The following SLC35A3 variants were observed in gnomAD, a reference collection of about 807,000 sequenced individuals.
SLC35A3 encodes UDP-N-acetylglucosamine transporter.
SLC35A3 carries 26 observed loss-of-function variants against 39.0 expected under a neutral mutation model. The ratio of observed to expected loss-of-function variants is 0.67; its 90% CI spans 0.49 to 0.92. SLC35A3 has a LOEUF of 0.92. Among genes scored for constraint, SLC35A3 ranks in the 40% least tolerant of loss-of-function variants. The pLI, the probability that SLC35A3 is intolerant of heterozygous loss-of-function variation, is 0.00. For synonymous variants in SLC35A3, 135 were observed against 133.1 expected (o/e 1.01, Z -0.10); for missense variants, 299 against 371.6 (o/e 0.80, Z 1.61).
At position 99,993,628 on chromosome 1, in the gene SLC35A3, G is replaced by T. The variant is rs903783945; in HGVS notation, c.74G>T (p.Arg25Leu). Residue 25 changes from arginine to leucine, a missense_variant, in exon 2 of 8, where the codon CGT (arginine) becomes CTT (leucine). Transcript: ENST00000533028. ...ACTACCAGTTTGGTTCTAACAATGCGTTATTCCAGAACTTTAAAAGAAGAA... is the reference window on the plus strand; with the variant it reads ...ACTACCAGTTTGGTTCTAACAATGCTTTATTCCAGAACTTTAAAAGAAGAA... ...FQTTSLVLTM[R>L]YSRTLKEEGP... 4 of 1,613,878 alleles carry T rather than the reference G, an allele frequency of 2.5e-6. No individual in the cohort carries two copies. The South Asian group carries it at 4.4e-5, about 18-fold the overall frequency.
intron 4 of SLC35A3, chr1:100,009,395 T>C (rs1659464885): frequency 6.6e-6 from 1 of 152,238 alleles, no homozygotes; most frequent in Non-Finnish European, 1.5e-5. Flanking sequence ...AATAGTCTTC[T>C]TTGATTGGAA....
rs1659599945 is a variant in SLC35A3, at chr1:100,011,112, G to A, written c.466-253G>A. Among the ~76,000 whole-genome samples the A allele has an allele frequency of 2.6e-5, 4 of 152,054 alleles. No homozygotes were observed. In the South Asian group the frequency reaches 8.3e-4, roughly 32 times the overall value. On this transcript the variant is annotated intron_variant, in intron 4 of 7. Coordinates refer to ENST00000533028, the MANE Select transcript of SLC35A3 (RefSeq NM_012243.3). ...AAGGAATTATCTCAAGGTAGCATTG[G>A]TCTCTGTAATAGATGAAATGTAAAA...
At chr1:100,017,616 T>C (rs1660246909) in intron 6 of SLC35A3, 66 bp from the exon 7 acceptor site, 2 of 986,792 alleles carry the variant, frequency 2.0e-6, no homozygotes, top group Non-Finnish European at 2.9e-6. Context: ...CTTTATTAAA[T>C]ACTGAAAGTG....
intron 4 of SLC35A3, among the ~76,000 whole-genome samples, chr1:100,010,957 T>C (rs147490628): frequency 1.3e-5 from 2 of 152,262 alleles, no homozygotes; most frequent in Non-Finnish European, 2.9e-5. Flanking sequence ...AGCTTCCCTT[T>C]ATTATGCTTG....
rs193027466 is a variant in SLC35A3, at chr1:100,013,616, A to C, written c.635-1686A>C. On this transcript the variant is annotated intron_variant, in intron 5 of 7. Coordinates refer to ENST00000533028, the MANE Select transcript of SLC35A3 (RefSeq NM_012243.3). ...AAGTGACAGAGTGAAATCCTGTCTC[A>C]AAATATACATATACATATATATATG... Among the ~76,000 whole-genome samples, 145 of 152,022 alleles carry C rather than the reference A, an allele frequency of 9.5e-4. 2 individuals carry two copies. In the East Asian group the frequency reaches 0.025, roughly 26 times the overall value.
At position 100,025,003 on chromosome 1, in the gene SLC35A3, A is replaced by G. The variant is rs1660825795; in HGVS notation, c.*2527A>G. Reference sequence around the variant, plus strand: ...GTCTCATCAATTCCATCCAAAGTTTAAAAGCATTTAAAATTACCAAATCTT... The same window carrying G: ...GTCTCATCAATTCCATCCAAAGTTTGAAAGCATTTAAAATTACCAAATCTT... On this transcript the variant is annotated 3_prime_UTR_variant, in exon 8 of 8. Coordinates refer to ENST00000533028, the MANE Select transcript of SLC35A3 (RefSeq NM_012243.3). 1 of 267,134 alleles carries G rather than the reference A, an allele frequency of 3.7e-6. No homozygotes were observed. Among genetic ancestry groups the G allele is most frequent in the Admixed American group, 5.4e-5 (1 of 18,624 alleles). 16.5% of individuals were successfully genotyped at this position (267,134 alleles called of 1,614,324 possible).
intron 2 of SLC35A3, among the ~76,000 whole-genome samples, chr1:99,997,541 ATATATATAT>A (rs910036644): frequency 5.6e-5 from 8 of 143,144 alleles, no homozygotes; most frequent in African/African-American, 2.1e-4. Context: ...TTAAGATCTA[ATATATATAT>A]TATATATATT....
chr1:100,000,856 A>G (rs1482761445), intron 3 of SLC35A3: 1 of 150,872 alleles, frequency 6.6e-6, no homozygotes, highest in African/African-American at 2.4e-5. Context: ...TTATGTTTAC[A>G]TCTTTAATCC....
chr1:99,976,044 A>G (rs1282171143), intron 1 of SLC35A3, among the ~76,000 whole-genome samples: 1 of 152,122 alleles, frequency 6.6e-6, no homozygotes, highest in African/African-American at 2.4e-5. Context: ...TGGGTGACAG[A>G]GTCAGACTTG....
At position 100,007,163 on chromosome 1, in the gene SLC35A3, A is replaced by G; in HGVS notation, c.465+7A>G. 3 of 1,596,418 alleles carry G rather than the reference A, an allele frequency of 1.9e-6. No individual in the cohort carries two copies. The highest frequency in any genetic ancestry group is 2.6e-6 in the Non-Finnish European group (3 of 1,171,628). On this transcript the variant is annotated splice_region_variant and intron_variant, in intron 4 of 7. Coordinates refer to ENST00000533028, the MANE Select transcript of SLC35A3 (RefSeq NM_012243.3). Reference sequence around the variant, plus strand: ...AGGAGTTGCTTTTGTACAGGTAACTATTCAAGATAAGTATATATTTTTATC... The same window carrying G: ...AGGAGTTGCTTTTGTACAGGTAACTGTTCAAGATAAGTATATATTTTTATC...
chr1:100,032,115 T>C lies in SLC35A3; in HGVS notation c.*9639T>C, dbSNP rs1661276115. 7.1e-6 allele frequency: 1 copy of C among 141,112 alleles called. No individual in the cohort carries two copies. The highest frequency in any genetic ancestry group is 1.5e-5 in the Non-Finnish European group (1 of 66,328). The allele number at this position is 141,112 out of a possible 1,614,324, so 8.7% of individuals were successfully genotyped here. ...CAGATAATCTCATTATTAATGTTGGTAATTATTTGGTTAAGATGATGACTA... is the reference window on the plus strand; with the variant it reads ...CAGATAATCTCATTATTAATGTTGGCAATTATTTGGTTAAGATGATGACTA... On this transcript the variant is annotated 3_prime_UTR_variant, in exon 8 of 8. Coordinates refer to ENST00000533028, the MANE Select transcript of SLC35A3 (RefSeq NM_012243.3).
At chr1:99,980,340 G>A (rs1033418297) in intron 1 of SLC35A3, among the ~76,000 whole-genome samples, 1 of 152,042 alleles carries the variant, frequency 6.6e-6, no homozygotes, top group African/African-American at 2.4e-5. Flanking sequence ...GAGAGTGTGG[G>A]GAAATGGGAG....
intron 3 of SLC35A3, among the ~76,000 whole-genome samples, chr1:100,006,561 G>C (rs763456727): frequency 1.6e-4 from 25 of 152,130 alleles, no homozygotes; most frequent in Non-Finnish European, 3.1e-4. Flanking sequence ...TGCAGGGTCA[G>C]TCGCTAGCCC....
intron 7 of SLC35A3, among the ~76,000 whole-genome samples, chr1:100,021,309 A>G (rs1304581082): frequency 6.6e-6 from 1 of 151,832 alleles, no homozygotes; most frequent in East Asian, 1.9e-4. Context: ...GGTTGCAGTG[A>G]GCCGAGATCA....
At chr1:100,010,840 G>A (rs1557840988) in intron 4 of SLC35A3, among the ~76,000 whole-genome samples, 2 of 152,192 alleles carry the variant, frequency 1.3e-5, no homozygotes, top group Admixed American at 6.5e-5. Context: ...TGATCCTGGA[G>A]TCCCTTCCAA....
intron 1 of SLC35A3, among the ~76,000 whole-genome samples, chr1:99,983,023 T>A (rs1657545490): frequency 6.6e-6 from 1 of 152,212 alleles, no homozygotes; most frequent in South Asian, 2.1e-4. Context: ...ATGTCTACAT[T>A]CATACCCAAA....
intron 7 of SLC35A3, among the ~76,000 whole-genome samples, chr1:100,019,206 C>A (rs1003982933): frequency 2.7e-5 from 4 of 147,454 alleles, no homozygotes; most frequent in African/African-American, 1.0e-4. Context: ...GTAATTAAAT[C>A]TTTGAATTAT....
rs1158883518 is a variant in SLC35A3, at chr1:99,970,158, G to C, written c.-23G>C. On this transcript the variant is annotated 5_prime_UTR_variant, in exon 1 of 8. Coordinates refer to ENST00000533028, the MANE Select transcript of SLC35A3 (RefSeq NM_012243.3). ...GTGGGCTCAGCCGGTCGAGCTGCGC[G>C]GGAGGTGAGTCCTCAGCGCACCTGG... 1 of 161,644 alleles carries C rather than the reference G, an allele frequency of 6.2e-6. No homozygotes were observed. The highest frequency in any genetic ancestry group is 1.3e-5 in the Non-Finnish European group (1 of 74,266). 10.0% of individuals were successfully genotyped at this position (161,644 alleles called of 1,614,324 possible).
At chr1:99,970,263 AG>A in intron 1 of SLC35A3, 101 bp downstream of exon 1, 1 of 297,938 alleles carries the variant, frequency 3.4e-6, no homozygotes, top group Non-Finnish European at 6.2e-6. Flanking sequence ...GAGGCATGCG[AG>A]GGGGCTGATG....
Sources: gnomAD v4.1 joint callset for allele counts (sites outside exome capture counted in the v4.1 genomes callset) on GRCh38, gnomAD v4.1.1 for gene constraint, MANE v1.5 for transcripts, NCBI Gene and HGNC (gene_info 2026-07-23, HGNC 2026-07-21) for gene names.